KCNK12: variants seen among roughly 807,000 people sequenced by gnomAD.
The protein encoded by KCNK12 is potassium two pore domain channel subfamily K member 12.
Under a neutral mutation model 25.3 loss-of-function variants are expected in KCNK12, and 6 were observed. The ratio of observed to expected loss-of-function variants is 0.24; its 90% CI spans 0.13 to 0.47. KCNK12 has a LOEUF of 0.47. KCNK12 is among the 20% of genes least tolerant of loss of function. The probability of loss-of-function intolerance (pLI) is 0.99; values close to 1 mark genes in which losing one functional copy is unlikely to be tolerated. For synonymous variants in KCNK12, 331 were observed against 311.1 expected (o/e 1.06, Z -0.67); for missense variants, 444 against 661.7 (o/e 0.67, Z 3.61).
At chr2:47,546,567 G>A (rs1669319585) in intron 1 of KCNK12, among the ~76,000 whole-genome samples, 1 of 152,164 alleles carries the variant, frequency 6.6e-6, no homozygotes, top group Non-Finnish European at 1.5e-5. Context: ...TGAGGTGGGA[G>A]GATCTTTTGA....
At position 47,553,415 on chromosome 2, in the gene KCNK12, G is replaced by A. The variant is rs117333299; in HGVS notation, c.391+16526C>T. ...TATAAGCTGTTTTTTTTGGTGGGGT[G>A]GGGGGGCACCCAGGATCTCACTCTG... On this transcript the variant is annotated intron_variant, in intron 1 of 1. Transcript: ENST00000327876. 9.9e-5 allele frequency among the ~76,000 whole-genome samples: 15 copies of A among 151,896 alleles called. No homozygotes were observed. In the East Asian group the frequency reaches 2.7e-3, roughly 27 times the overall value.
chr2:47,527,306 T>C (rs11675417), intron 1 of KCNK12, among the ~76,000 whole-genome samples: 63,507 of 151,948 alleles, frequency 0.42, 14,218 homozygotes, highest in African/African-American at 0.59. Context: ...ATCATTGCTG[T>C]CCCCTTCACA....
rs1668757602 is a variant in KCNK12, at chr2:47,525,828, G to T, written c.392-4020C>A. Among the ~76,000 whole-genome samples, 1 of 152,060 alleles carries T rather than the reference G, an allele frequency of 6.6e-6. No individual in the cohort carries two copies. The highest frequency in any genetic ancestry group is 1.5e-5 in the Non-Finnish European group (1 of 68,010). On this transcript the variant is annotated intron_variant, in intron 1 of 1. Coordinates refer to ENST00000327876, the MANE Select transcript of KCNK12 (RefSeq NM_022055.2). This position sits in a 1 kb window ranked among gnomAD's most constrained non-coding sequence, Gnocchi z 4.1. Reference sequence around the variant, plus strand: ...GTGGTCCCTGTGCAGGGCTCCCAAGGACCCATAAATAGATGCCGTGAAAGC... The same window carrying T: ...GTGGTCCCTGTGCAGGGCTCCCAAGTACCCATAAATAGATGCCGTGAAAGC...
Position 47,510,655 on chromosome 2 carries a change from C to T in KCNK12, c.*10252G>A, listed in dbSNP as rs1668378734. On this transcript the variant is annotated 3_prime_UTR_variant, in exon 2 of 2. Transcript: ENST00000327876. ...TTTATCTCTATTCAGTGGAACACAG[C>T]AGCACTGTGACCTGCCCACGAGAAG... Among the ~76,000 whole-genome samples, 1 of 152,152 alleles carries T rather than the reference C, an allele frequency of 6.6e-6. No homozygotes were observed. The highest frequency in any genetic ancestry group is 1.5e-5 in the Non-Finnish European group (1 of 68,030).
rs893817919 is a variant in KCNK12 at position 47,557,413 on chromosome 2, G to C, written c.391+12528C>G. On this transcript the variant is annotated intron_variant, in intron 1 of 1. Coordinates refer to ENST00000327876, the MANE Select transcript of KCNK12 (RefSeq NM_022055.2). This position sits in a 1 kb window ranked among gnomAD's most constrained non-coding sequence, Gnocchi z 4.9. The stretch of plus-strand genomic sequence containing the variant: ...AACTTCCCAGCCTCCAGAATGGTGA[G>C]TGAAATCAACTTTTTTTTGTTTGTT... 7.9e-5 allele frequency among the ~76,000 whole-genome samples: 12 copies of C among 152,042 alleles called. No homozygotes were observed. The highest frequency in any genetic ancestry group is 2.7e-4 in the African/African-American group (11 of 41,372).
chr2:47,517,215 T>C lies in KCNK12; in HGVS notation c.*3692A>G, dbSNP rs1573617882. 1 of 152,186 alleles carries C rather than the reference T, an allele frequency of 6.6e-6. No individual in the cohort carries two copies. The highest frequency in any genetic ancestry group is 1.9e-4 in the East Asian group (1 of 5,196). 9.4% of individuals were successfully genotyped at this position (152,186 alleles called of 1,614,324 possible). A position where few individuals can be genotyped will look rare whatever the true frequency, so the allele number is the denominator to read the frequency against. On this transcript the variant is annotated 3_prime_UTR_variant, in exon 2 of 2. Coordinates refer to ENST00000327876, the MANE Select transcript of KCNK12 (RefSeq NM_022055.2). The surrounding 1 kb of genome is among the most constrained non-coding windows in gnomAD (Gnocchi z 4.1). ...GTCGCTCCTATGGTCTCTGCCTGAC[T>C]GGGCTGCCGTCTGCCTCAGTTCCCC...
chr2:47,524,889 T>C (rs965283702), intron 1 of KCNK12, among the ~76,000 whole-genome samples: 12 of 152,086 alleles, frequency 7.9e-5, no homozygotes, highest in African/African-American at 2.4e-4. Flanking sequence ...TCCCACCTCT[T>C]TGTCCTGGCT....
Position 47,521,853 on chromosome 2 carries a change from G to A in KCNK12, c.392-45C>T, listed in dbSNP as rs1217573258. The stretch of plus-strand genomic sequence containing the variant: ...TCAGCGCGGTCCTGGCCGCGCAGGT[G>A]GTCCTCACTGGGCGAGGGTGGGGGG... On this transcript the variant is annotated intron_variant, in intron 1 of 1. Transcript: ENST00000327876. 8 of 1,462,960 alleles carry A rather than the reference G, an allele frequency of 5.5e-6. No individual in the cohort carries two copies. In the South Asian group the frequency reaches 6.0e-5, roughly 11 times the overall value. The allele number at this position is 1,462,960 out of a possible 1,614,324, so 90.6% of individuals were successfully genotyped here.
chr2:47,557,322 ACTTG>A lies in KCNK12; in HGVS notation c.391+12615_391+12618del. Among the ~76,000 whole-genome samples the A allele has an allele frequency of 6.6e-6, 1 of 152,130 alleles. No homozygotes were observed. The highest frequency in any genetic ancestry group is 1.5e-5 in the Non-Finnish European group (1 of 68,016). On this transcript the variant is annotated intron_variant, in intron 1 of 1. Transcript: ENST00000327876. The surrounding 1 kb of genome is among the most constrained non-coding windows in gnomAD (Gnocchi z 4.9). ...TGAGTTTGGGCTGATTCTGTCCTGC[ACTTG>A]CTCACCATGTGATGCCTTCCACATG...
intron 1 of KCNK12, among the ~76,000 whole-genome samples, chr2:47,523,794 A>C (rs544411757): frequency 6.6e-6 from 1 of 152,370 alleles, no homozygotes; most frequent in South Asian, 2.1e-4. Flanking sequence ...CTGTTCAGCA[A>C]GTCTGGCAGC....
chr2:47,525,376 G>A lies in KCNK12; in HGVS notation c.392-3568C>T, dbSNP rs1470082893. 6.6e-6 allele frequency among the ~76,000 whole-genome samples: 1 copy of A among 152,176 alleles called. No individual in the cohort carries two copies. The highest frequency in any genetic ancestry group is 2.1e-4 in the South Asian group (1 of 4,830). On this transcript the variant is annotated intron_variant, in intron 1 of 1. Coordinates refer to ENST00000327876, the MANE Select transcript of KCNK12 (RefSeq NM_022055.2). This position sits in a 1 kb window ranked among gnomAD's most constrained non-coding sequence, Gnocchi z 4.1. ...ACTTATGGAGTGTCAGCAAGAGCCC[G>A]GCAGCTCACTTCCTAGCTGGCTGGG...
At position 47,521,429 on chromosome 2, in the gene KCNK12, G is replaced by T. The variant is rs759961076; in HGVS notation, c.771C>A (p.Ile257=). The T allele has an allele frequency of 3.7e-6, 6 of 1,613,506 alleles. No homozygotes were observed. Among genetic ancestry groups the T allele is most frequent in the Non-Finnish European group, 5.1e-6 (6 of 1,179,810 alleles). ...GGCTGCTCACCAGGTCCCCGAAGCC[G>T]ATGGTGCTGAAGGTGACGAAGCAGA... ...LYFCFVTFST[I]GFGDLVSSQH... The change falls in exon 2 of 2, where the codon ATC becomes ATA. Residue 257 remains isoleucine, a synonymous_variant. Transcript: ENST00000327876.
rs753377555 is a variant in KCNK12 at position 47,562,580 on chromosome 2, C to T, written c.391+7361G>A. 51 of 233,846 alleles carry T rather than the reference C, an allele frequency of 2.2e-4. No individual in the cohort carries two copies. The highest frequency in any genetic ancestry group is 4.0e-4 in the Non-Finnish European group (47 of 118,576). The allele number at this position is 233,846 out of a possible 1,614,324, so 14.5% of individuals were successfully genotyped here. A position where few individuals can be genotyped will look rare whatever the true frequency, so the allele number is the denominator to read the frequency against. Reference sequence around the variant, plus strand: ...GCCACTTGGAGAGGGGACCTAGAGTCCCCTGGTAGGTGGCTAGGGAATGGC... The same window carrying T: ...GCCACTTGGAGAGGGGACCTAGAGTTCCCTGGTAGGTGGCTAGGGAATGGC... On this transcript the variant is annotated intron_variant, in intron 1 of 1. Coordinates refer to ENST00000327876, the MANE Select transcript of KCNK12 (RefSeq NM_022055.2). The surrounding 1 kb of genome is among the most constrained non-coding windows in gnomAD (Gnocchi z 4.8).
At position 47,533,486 on chromosome 2, in the gene KCNK12, A is replaced by G. The variant is rs1243592418; in HGVS notation, c.392-11678T>C. Among the ~76,000 whole-genome samples, 1 of 152,204 alleles carries G rather than the reference A, an allele frequency of 6.6e-6. No individual in the cohort carries two copies. Among genetic ancestry groups the G allele is most frequent in the Non-Finnish European group, 1.5e-5 (1 of 68,044 alleles). On this transcript the variant is annotated intron_variant, in intron 1 of 1. Transcript: ENST00000327876. This position sits in a 1 kb window ranked among gnomAD's most constrained non-coding sequence, Gnocchi z 4.7. ...CAAAGTGGCTCAGGTGAGGCAGGCA[A>G]GGAATGGGCAAATCACGACATGACA...
rs971519150 is a variant in KCNK12 at position 47,517,333 on chromosome 2, G to A, written c.*3574C>T. ...CTGCTGGGAGGCCTGTCTGAAGGAC[G>A]GAGGATCCTGGGTCAATTTAGCAGC... On this transcript the variant is annotated 3_prime_UTR_variant, in exon 2 of 2. Coordinates refer to ENST00000327876, the MANE Select transcript of KCNK12 (RefSeq NM_022055.2). This position sits in a 1 kb window ranked among gnomAD's most constrained non-coding sequence, Gnocchi z 4.1. 2.0e-5 allele frequency: 3 copies of A among 152,174 alleles called. No individual in the cohort carries two copies. The highest frequency in any genetic ancestry group is 6.5e-5 in the Admixed American group (1 of 15,282). 9.4% of individuals were successfully genotyped at this position (152,174 alleles called of 1,614,324 possible).
chr2:47,514,316 C>G lies in KCNK12; in HGVS notation c.*6591G>C, dbSNP rs180811961. Among the ~76,000 whole-genome samples the G allele has an allele frequency of 6.6e-6, 1 of 152,354 alleles. No homozygotes were observed. Among genetic ancestry groups the G allele is most frequent in the East Asian group, 1.9e-4 (1 of 5,182 alleles). ...GAATGCCTGGTGGACAGGGAGCCCT[C>G]AGCAGGCCGTACTGCAGCGCCCTGC... is the stretch of plus-strand genomic sequence containing the variant. On this transcript the variant is annotated 3_prime_UTR_variant, in exon 2 of 2. Coordinates refer to ENST00000327876, the MANE Select transcript of KCNK12 (RefSeq NM_022055.2). The surrounding 1 kb of genome is among the most constrained non-coding windows in gnomAD (Gnocchi z 5.0).
rs565201366 is a variant in KCNK12, at chr2:47,510,836, A to G, written c.*10071T>C. The G allele has an allele frequency of 2.0e-5, 3 of 152,354 alleles. No homozygotes were observed. In the South Asian group the frequency reaches 6.2e-4, roughly 32 times the overall value. 9.4% of individuals were successfully genotyped at this position (152,354 alleles called of 1,614,324 possible). ...ATTCTTTGCCAGGTTGAAGATAGAAAAGGAATGAAGGGCCGGAGAAGTACA... is the reference window on the plus strand; with the variant it reads ...ATTCTTTGCCAGGTTGAAGATAGAAGAGGAATGAAGGGCCGGAGAAGTACA... On this transcript the variant is annotated 3_prime_UTR_variant, in exon 2 of 2. Transcript: ENST00000327876.
In KCNK12 at chr2:47,510,620, A is replaced by G. The variant is rs1340255642; in HGVS notation, c.*10287T>C. ...ATTTGGTCAGCTATGAATATGACCA[A>G]CTCTCGTCGTTTATCTCTATTCAGT... On this transcript the variant is annotated 3_prime_UTR_variant, in exon 2 of 2. Transcript: ENST00000327876. Among the ~76,000 whole-genome samples, 2 of 151,648 alleles carry G rather than the reference A, an allele frequency of 1.3e-5. No individual in the cohort carries two copies. The highest frequency in any genetic ancestry group is 2.9e-5 in the Non-Finnish European group (2 of 67,946).
chr2:47,511,683 C>T lies in KCNK12; in HGVS notation c.*9224G>A, dbSNP rs1668406509. 6.6e-6 allele frequency among the ~76,000 whole-genome samples: 1 copy of T among 152,136 alleles called. No individual in the cohort carries two copies. Among genetic ancestry groups the T allele is most frequent in the African/African-American group, 2.4e-5 (1 of 41,426 alleles). On this transcript the variant is annotated 3_prime_UTR_variant, in exon 2 of 2. Transcript: ENST00000327876. This position sits in a 1 kb window ranked among gnomAD's most constrained non-coding sequence, Gnocchi z 4.3. ...AAGGCCACTTGGAGGCAGAGGAGAC[C>T]ACAGTGGGGCATGATGGTTGGGGAA...
Sources: allele counts gnomAD v4.1 joint callset (sites outside exome capture counted in the v4.1 genomes callset), GRCh38; gene constraint gnomAD v4.1.1; non-coding constraint Gnocchi (gnomAD v3.1); transcripts MANE v1.5; gene names NCBI Gene and HGNC (gene_info 2026-07-23, HGNC 2026-07-21).